The following MAP9 variants were observed in gnomAD, a reference collection of about 807,000 sequenced individuals.
MAP9 encodes the protein microtubule associated protein 9.
Under a neutral mutation model 75.2 loss-of-function variants are expected in MAP9, and 80 were observed. The ratio of observed to expected loss-of-function variants is 1.06; its 90% CI spans 0.89 to 1.28. MAP9 has a LOEUF of 1.28. MAP9 is among the 50% of genes most tolerant of loss of function. MAP9 has a pLI of 0.00. For missense variants in MAP9, 753 were observed against 719.9 expected (o/e 1.05, Z -0.53); for synonymous variants, 235 against 237.3 (o/e 0.99, Z 0.09).
chr4:155,356,173 G>A (rs919092530), intron 8 of MAP9, among the ~76,000 whole-genome samples: 1 of 152,036 alleles, frequency 6.6e-6, no homozygotes, highest in Admixed American at 6.6e-5. Context: ...AGGCTGAGGT[G>A]GGAGGATAGC....
intron 2 of MAP9, 114 bp from the exon 3 acceptor site, chr4:155,375,135 T>C (rs1326852920): frequency 3.6e-5 from 25 of 704,206 alleles, no homozygotes; most frequent in Admixed American, 2.5e-4. Flanking sequence ...TTAGGTTTCA[T>C]TCATCTAACA....
At chr4:155,359,420 T>C (rs973556728) in intron 7 of MAP9, among the ~76,000 whole-genome samples, 2 of 152,012 alleles carry the variant, frequency 1.3e-5, no homozygotes, top group African/African-American at 4.8e-5. Context: ...TATGGAATAA[T>C]AGATAATGGA....
At chr4:155,371,091 T>C (rs1000209259) in intron 4 of MAP9, among the ~76,000 whole-genome samples, 2 of 152,190 alleles carry the variant, frequency 1.3e-5, no homozygotes, top group Non-Finnish European at 2.9e-5. Flanking sequence ...AATAAAAACA[T>C]ATCCTGTGAA....
intron 10 of MAP9, chr4:155,354,450 G>A (rs1270079012): frequency 6.9e-6 from 1 of 145,284 alleles, no homozygotes; most frequent in Non-Finnish European, 1.5e-5. Flanking sequence ...AGTGTCTAAT[G>A]ATCCTTTATC....
intron 4 of MAP9, 45 bp from the exon 5 acceptor site, chr4:155,368,857 T>A (rs762232020): frequency 7.4e-6 from 11 of 1,484,834 alleles, no homozygotes; most frequent in Middle Eastern, 1.8e-4. Context: ...AAAATGACCA[T>A]GGCTTTATCT....
At chr4:155,356,179 A>C (rs541295267) in intron 8 of MAP9, among the ~76,000 whole-genome samples, 1 of 152,234 alleles carries the variant, frequency 6.6e-6, no homozygotes, top group East Asian at 1.9e-4. Flanking sequence ...AGGTGGGAGG[A>C]TAGCTTGAGC....
intron 4 of MAP9, 138 bp from the exon 5 acceptor site, chr4:155,368,950 A>G (rs2111269523): frequency 3.0e-6 from 2 of 656,194 alleles, no homozygotes; most frequent in Admixed American, 5.9e-5. Context: ...GAAGCCCACA[A>G]CTCTTCTCTA....
intron 13 of MAP9, chr4:155,350,291 C>T (rs1035253977): frequency 2.0e-5 from 9 of 447,986 alleles, no homozygotes; most frequent in South Asian, 3.2e-5. Flanking sequence ...CGATCTGTAA[C>T]ATGTATGTTT....
intron 13 of MAP9, chr4:155,350,971 C>T (rs1731485917): frequency 1.3e-5 from 2 of 151,934 alleles, no homozygotes; most frequent in Non-Finnish European, 2.9e-5. Flanking sequence ...TTTATCCTAT[C>T]TTTAAATCGC....
At chr4:155,376,344 C>T (rs1241150362) in intron 1 of MAP9, 1 of 152,334 alleles carries the variant, frequency 6.6e-6, no homozygotes, top group Non-Finnish European at 1.5e-5. Flanking sequence ...TTGCATACAG[C>T]GCTATTCAAA....
chr4:155,354,744 C>T (rs930721319), intron 10 of MAP9, among the ~76,000 whole-genome samples: 1 of 152,066 alleles, frequency 6.6e-6, no homozygotes, highest in Non-Finnish European at 1.5e-5. Flanking sequence ...GGATTACAGG[C>T]ATGAGCCACA....
rs1731216176 is a variant in MAP9 at position 155,344,528 on chromosome 4, G to A, written c.*3255C>T. ...AGAGGCATAGTTCTATAACTCTAAG[G>A]AACATAAGACTGTGGATACCTATCT... On this transcript the variant is annotated 3_prime_UTR_variant, in exon 14 of 14. Transcript: ENST00000311277. 1 of 151,916 alleles carries A rather than the reference G, an allele frequency of 6.6e-6. No homozygotes were observed. The highest frequency in any genetic ancestry group is 2.1e-4 in the South Asian group (1 of 4,822). The allele number at this position is 151,916 out of a possible 1,614,324, so 9.4% of individuals were successfully genotyped here.
chr4:155,374,785 A>G (rs568965718), intron 3 of MAP9, 152 bp downstream of exon 3: 2 of 419,598 alleles, frequency 4.8e-6, no homozygotes, highest in East Asian at 3.5e-5. Context: ...GCTTTCTACT[A>G]ATTAAAAAGT....
chr4:155,350,609 ATTAT>A (rs1731470620), intron 13 of MAP9, among the ~76,000 whole-genome samples: 1 of 151,930 alleles, frequency 6.6e-6, no homozygotes, highest in African/African-American at 2.4e-5. Flanking sequence ...AGAACATAGC[ATTAT>A]TTAACAGATT....
chr4:155,363,566 A>G (rs1446856156), intron 5 of MAP9, among the ~76,000 whole-genome samples: 1 of 152,108 alleles, frequency 6.6e-6, no homozygotes, highest in Non-Finnish European at 1.5e-5. Context: ...GGGGGATTTT[A>G]TATTAAAAAA....
chr4:155,376,005 G>T (rs1488614611), intron 1 of MAP9, 91 bp from the exon 2 acceptor site: 1 of 541,186 alleles, frequency 1.8e-6, no homozygotes, highest in South Asian at 2.6e-5. Flanking sequence ...TCAAAGAAAA[G>T]CATCTGATAT....
At chr4:155,376,137 A>G (rs1274904174) in intron 1 of MAP9, among the ~76,000 whole-genome samples, 2 of 152,214 alleles carry the variant, frequency 1.3e-5, no homozygotes, top group Non-Finnish European at 2.9e-5. Flanking sequence ...AACTACTTAA[A>G]AAGTCTGCAA....
rs1413888117 is a variant in MAP9, at chr4:155,373,030, G to T, written c.481+106C>A. On this transcript the variant is annotated intron_variant, in intron 4 of 13. Coordinates refer to ENST00000311277, the MANE Select transcript of MAP9 (RefSeq NM_001039580.2). ...GGTCTGTAAAATGGAAGTTAAGTCT[G>T]TCTTTTTTTCTTAAATATATACTAG... The T allele has an allele frequency of 1.4e-5, 10 of 698,230 alleles. No homozygotes were observed. The East Asian group carries it at 3.0e-4, about 21-fold the overall frequency. 43.3% of individuals were successfully genotyped at this position (698,230 alleles called of 1,614,324 possible).
intron 4 of MAP9, among the ~76,000 whole-genome samples, chr4:155,372,340 C>A (rs1374485262): frequency 6.6e-6 from 1 of 152,150 alleles, no homozygotes; most frequent in African/African-American, 2.4e-5. Flanking sequence ...TTAACATCAA[C>A]TAATAATTCC....
Sources: gnomAD v4.1 joint callset for allele counts (sites outside exome capture counted in the v4.1 genomes callset) on GRCh38, gnomAD v4.1.1 for gene constraint, MANE v1.5 for transcripts, NCBI Gene and HGNC (gene_info 2026-07-23, HGNC 2026-07-21) for gene names.